Variants in ROBO1 observed in about 807,000 individuals in gnomAD.
ROBO1 encodes roundabout guidance receptor 1.
In ROBO1, 149 loss-of-function variants were observed where a neutral mutation model predicts 195.9. The ratio of observed to expected loss-of-function variants is 0.76; its 90% confidence interval spans 0.67 to 0.87. The LOEUF is 0.87. Among genes scored for constraint, ROBO1 ranks in the 40% least tolerant of loss-of-function variants. ROBO1 has a pLI of 0.00. For missense variants in ROBO1, 1,933 were observed against 2,068.3 expected (o/e 0.93, Z 1.27); for synonymous variants, 816 against 733.2 (o/e 1.11, Z -1.82).
At chr3:79,382,295 T>C (rs902569310) in intron 2 of ROBO1, among the ~76,000 whole-genome samples, 2 of 152,178 alleles carry the variant, frequency 1.3e-5, no homozygotes, top group African/African-American at 4.8e-5. Context: ...GTACAACTTA[T>C]AATGTAAAAA....
At chr3:78,790,804 G>A (rs771957711) in intron 4 of ROBO1, among the ~76,000 whole-genome samples, 10 of 152,062 alleles carry the variant, frequency 6.6e-5, no homozygotes, top group Non-Finnish European at 1.2e-4. Context: ...TTCACATTTT[G>A]CATTTGATTC....
intron 23 of ROBO1, 52 bp from the exon 24 acceptor site, chr3:78,634,094 G>T: frequency 1.7e-6 from 2 of 1,189,298 alleles, no homozygotes; most frequent in Non-Finnish European, 2.5e-6. Context: ...CTTCATGAGC[G>T]ATTTCACATC....
intron 2 of ROBO1, among the ~76,000 whole-genome samples, chr3:79,323,451 AATG>A (rs2034074733): frequency 6.6e-6 from 1 of 152,192 alleles, no homozygotes; most frequent in African/African-American, 2.4e-5. Flanking sequence ...TTCCAATTAA[AATG>A]ATGAATTAAA....
chr3:79,458,415 C>A (rs1169782903), intron 2 of ROBO1, among the ~76,000 whole-genome samples: 1 of 152,036 alleles, frequency 6.6e-6, no homozygotes, highest in Non-Finnish European at 1.5e-5. Flanking sequence ...ATGTCTTGTT[C>A]CACAACAGTG....
intron 1 of ROBO1, among the ~76,000 whole-genome samples, chr3:79,717,849 G>A (rs1702551361): frequency 6.6e-6 from 1 of 151,968 alleles, no homozygotes. Context: ...CTTTGTGTGT[G>A]TCTTTTGTGT....
At chr3:79,767,467 C>A (rs559654434) in intron 1 of ROBO1, among the ~76,000 whole-genome samples, 161 of 152,308 alleles carry the variant, frequency 1.1e-3, no homozygotes, top group African/African-American at 3.7e-3. Context: ...CTACCTGGAA[C>A]GGACACTCTG....
chr3:79,665,455 A>G (rs1384830958), intron 1 of ROBO1, among the ~76,000 whole-genome samples: 1 of 151,918 alleles, frequency 6.6e-6, no homozygotes, highest in Non-Finnish European at 1.5e-5. Flanking sequence ...TCATTTAGAT[A>G]TATTAGAAAA....
intron 2 of ROBO1, among the ~76,000 whole-genome samples, chr3:79,525,521 T>C (rs551640519): frequency 6.8e-6 from 1 of 147,428 alleles, no homozygotes; most frequent in Non-Finnish European, 1.5e-5. Flanking sequence ...ATTTATTTTT[T>C]CATCAATTTA....
Position 78,799,589 on chromosome 3 carries a change from C to G in ROBO1, c.500-52689G>C, listed in dbSNP as rs35406856. ...ATCTCCTGACCTCGTGATCCACCCA[C>G]CTTGGCCTCCCAAAGTGCTGGGATT... is the stretch of plus-strand genomic sequence containing the variant. On this transcript the variant is annotated intron_variant, in intron 4 of 30. Coordinates refer to ENST00000464233, the MANE Select transcript of ROBO1 (RefSeq NM_002941.4). Among the ~76,000 whole-genome samples the G allele has an allele frequency of 8.2e-3, 1,242 of 151,002 alleles. 11 individuals are homozygous for G. The highest frequency in any genetic ancestry group is 0.029 in the African/African-American group (1,181 of 41,118).
intron 4 of ROBO1, among the ~76,000 whole-genome samples, chr3:78,892,654 A>G (rs1195204049): frequency 6.6e-6 from 1 of 152,178 alleles, no homozygotes; most frequent in Non-Finnish European, 1.5e-5. Context: ...CTCACTTTAA[A>G]TCAGTTGGGA....
chr3:79,298,336 ATTTT>A (rs11438222), intron 2 of ROBO1, among the ~76,000 whole-genome samples: 2 of 150,908 alleles, frequency 1.3e-5, no homozygotes, highest in Non-Finnish European at 3.0e-5. Flanking sequence ...TCTTTACTGC[ATTTT>A]TTTTTCTTTT....
chr3:79,192,184 T>C (rs535141572), intron 2 of ROBO1, among the ~76,000 whole-genome samples: 5 of 151,792 alleles, frequency 3.3e-5, no homozygotes, highest in African/African-American at 1.2e-4. Context: ...GTAATCTTTA[T>C]GCTGCTAAAT....
At chr3:79,507,927 A>G (rs914107927) in intron 2 of ROBO1, 4 of 154,520 alleles carry the variant, frequency 2.6e-5, no homozygotes, top group Admixed American at 2.0e-4. Context: ...GCTTCTTTAT[A>G]AGAAGAGGAA....
intron 2 of ROBO1, among the ~76,000 whole-genome samples, chr3:79,421,978 T>C (rs2038241795): frequency 6.6e-6 from 1 of 151,664 alleles, no homozygotes; most frequent in South Asian, 2.1e-4. Context: ...TGTACATTTT[T>C]ATATCCACTC....
chr3:79,570,567 AAT>A (rs561203957), intron 2 of ROBO1, among the ~76,000 whole-genome samples: 225 of 152,268 alleles, frequency 1.5e-3, no homozygotes, highest in African/African-American at 5.1e-3. Context: ...CATACAAGTT[AAT>A]TAAAATATAA....
intron 2 of ROBO1, among the ~76,000 whole-genome samples, chr3:79,333,762 G>C (rs2109186491): frequency 6.6e-6 from 1 of 152,216 alleles, no homozygotes; most frequent in African/African-American, 2.4e-5. Flanking sequence ...ATAAACACTG[G>C]GTTGAATTTT....
chr3:79,586,983 A>T (rs1943850175), intron 2 of ROBO1, among the ~76,000 whole-genome samples: 1 of 151,926 alleles, frequency 6.6e-6, no homozygotes, highest in Admixed American at 6.6e-5. Context: ...GGTGGGCTTT[A>T]ATGGGCTCAA....
intron 7 of ROBO1, 130 bp downstream of exon 7, chr3:78,717,145 A>T (rs564979831): frequency 3.1e-4 from 281 of 898,786 alleles, no homozygotes; most frequent in Non-Finnish European, 4.4e-4. Flanking sequence ...AATTATCTCC[A>T]GTATTGTATC....
chr3:79,712,502 C>G (rs1702316487), intron 1 of ROBO1, among the ~76,000 whole-genome samples: 1 of 152,100 alleles, frequency 6.6e-6, no homozygotes, highest in South Asian at 2.1e-4. Flanking sequence ...GAATTGGAAG[C>G]TAGCAGAAGT....
Sources: allele counts gnomAD v4.1 joint callset (sites outside exome capture counted in the v4.1 genomes callset), GRCh38; gene constraint gnomAD v4.1.1; transcripts MANE v1.5; gene names NCBI Gene and HGNC (gene_info 2026-07-23, HGNC 2026-07-21).